The following FAM184A variants were observed in gnomAD, a reference collection of about 807,000 sequenced individuals.
FAM184A encodes the protein family with sequence similarity 184 member A.
Under a neutral mutation model 143.8 loss-of-function variants are expected in FAM184A, and 99 were observed. The ratio of observed to expected loss-of-function variants is 0.69; its 90% confidence interval spans 0.58 to 0.81. FAM184A has a LOEUF of 0.81. Among genes scored for constraint, FAM184A ranks in the 40% least tolerant of loss-of-function variants. FAM184A has a pLI of 0.00. For missense variants in FAM184A, 1,217 were observed against 1,310.5 expected (o/e 0.93, Z 1.10); for synonymous variants, 427 against 446.4 (o/e 0.96, Z 0.55).
At chr6:119,061,167 G>C (rs947098267) in intron 1 of FAM184A, among the ~76,000 whole-genome samples, 9 of 152,156 alleles carry the variant, frequency 5.9e-5, no homozygotes, top group Non-Finnish European at 4.4e-5. Context: ...GGAAGGTATA[G>C]GTAAAAGAGC....
At chr6:119,137,626 ATCT>A (rs1037230254) in intron 1 of FAM184A, among the ~76,000 whole-genome samples, 6 of 152,184 alleles carry the variant, frequency 3.9e-5, no homozygotes, top group East Asian at 1.9e-4. Flanking sequence ...ATTTTTGATA[ATCT>A]TCTCATTCTT....
intron 6 of FAM184A, among the ~76,000 whole-genome samples, chr6:119,008,614 G>A (rs1413190991): frequency 6.6e-6 from 1 of 152,078 alleles, no homozygotes; most frequent in Non-Finnish European, 1.5e-5. Context: ...GTTTGAGGTA[G>A]GATTTCTGTC....
intron 3 of FAM184A, 55 bp downstream of exon 3, chr6:119,022,890 A>C (rs915609453): frequency 4.9e-5 from 79 of 1,604,050 alleles, no homozygotes; most frequent in Middle Eastern, 1.7e-4. Flanking sequence ...AAAAATAAAT[A>C]AATAAAGTGT....
chr6:119,038,164 C>T (rs1786182476), intron 1 of FAM184A, among the ~76,000 whole-genome samples: 1 of 152,094 alleles, frequency 6.6e-6, no homozygotes, highest in Non-Finnish European at 1.5e-5. Context: ...TCACCTGAAT[C>T]AAGCAGACAG....
intron 6 of FAM184A, among the ~76,000 whole-genome samples, chr6:119,008,586 T>G (rs1269233079): frequency 6.6e-6 from 1 of 152,122 alleles, no homozygotes; most frequent in Non-Finnish European, 1.5e-5. Context: ...GTCAATAAAT[T>G]TTTTTTTCTT....
chr6:119,041,235 G>A (rs1006942260), intron 1 of FAM184A, among the ~76,000 whole-genome samples: 4 of 152,172 alleles, frequency 2.6e-5, no homozygotes, highest in Non-Finnish European at 4.4e-5. Flanking sequence ...AGAGATCCAC[G>A]GGACAGAGAT....
chr6:119,053,135 A>G (rs957056448), intron 1 of FAM184A, among the ~76,000 whole-genome samples: 2 of 152,096 alleles, frequency 1.3e-5, no homozygotes, highest in Admixed American at 1.3e-4. Flanking sequence ...CTGACTGAAG[A>G]GCTATTTGGG....
intron 5 of FAM184A, among the ~76,000 whole-genome samples, chr6:119,014,619 A>T (rs1368826551): frequency 6.6e-6 from 1 of 152,258 alleles, no homozygotes; most frequent in Non-Finnish European, 1.5e-5. Context: ...CAGCTCAAGA[A>T]CAAAAACAGT....
chr6:119,026,056 C>A (rs1785624197), intron 1 of FAM184A, among the ~76,000 whole-genome samples: 1 of 152,116 alleles, frequency 6.6e-6, no homozygotes, highest in Non-Finnish European at 1.5e-5. Flanking sequence ...AAGGCTGCCT[C>A]AACACAGGGG....
At chr6:119,107,675 G>T (rs1292614867) in intron 1 of FAM184A, among the ~76,000 whole-genome samples, 4 of 151,974 alleles carry the variant, frequency 2.6e-5, no homozygotes, top group Non-Finnish European at 4.4e-5. Flanking sequence ...CTACTCGGGA[G>T]GCTGAGGCAG....
intron 1 of FAM184A, among the ~76,000 whole-genome samples, chr6:119,113,635 AAGAG>A (rs71809162): frequency 3.3e-5 from 5 of 149,646 alleles, no homozygotes; most frequent in Non-Finnish European, 7.4e-5. Flanking sequence ...GAGAGAGAGA[AAGAG>A]AGAGAGAGAG....
intron 1 of FAM184A, among the ~76,000 whole-genome samples, chr6:119,103,928 GAAAAA>G (rs199961401): frequency 4.1e-5 from 3 of 72,950 alleles, no homozygotes; most frequent in East Asian, 5.9e-4. Flanking sequence ...TCCGTGTAGA[GAAAAA>G]AAAAAAAAAA....
chr6:119,128,316 G>T (rs1156339441), intron 1 of FAM184A, among the ~76,000 whole-genome samples: 1 of 152,110 alleles, frequency 6.6e-6, no homozygotes, highest in East Asian at 1.9e-4. Context: ...TTTATCATAG[G>T]GTTTTTAAAG....
chr6:119,067,190 C>T (rs1308724999), intron 1 of FAM184A, among the ~76,000 whole-genome samples: 2 of 152,096 alleles, frequency 1.3e-5, no homozygotes, highest in Admixed American at 6.6e-5. Context: ...TGTAGGGTGG[C>T]CTGTAGGTGA....
At chr6:119,025,824 G>GAT (rs1427541455) in intron 1 of FAM184A, among the ~76,000 whole-genome samples, 1 of 152,204 alleles carries the variant, frequency 6.6e-6, no homozygotes, top group Non-Finnish European at 1.5e-5. Flanking sequence ...ATTTTAATGT[G>GAT]ATATTACTCT....
chr6:119,049,780 G>T (rs555781449), intron 1 of FAM184A, among the ~76,000 whole-genome samples: 10 of 152,216 alleles, frequency 6.6e-5, no homozygotes, highest in African/African-American at 2.4e-4. Context: ...ATGGGCAAAG[G>T]TTCCATGACA....
chr6:119,131,661 A>T (rs966621609), intron 1 of FAM184A, among the ~76,000 whole-genome samples: 46 of 151,482 alleles, frequency 3.0e-4, no homozygotes, highest in African/African-American at 7.0e-4. Context: ...AATTTAAAAA[A>T]TTTTTTTTTT....
chr6:119,022,382 T>C (rs72953036), intron 3 of FAM184A, among the ~76,000 whole-genome samples: 4,321 of 152,206 alleles, frequency 0.028, 81 homozygotes, highest in Non-Finnish European at 0.04. Flanking sequence ...GTGACTACTT[T>C]ATTGGTATTT....
chr6:119,108,347 C>T (rs533674541), intron 1 of FAM184A, among the ~76,000 whole-genome samples: 72 of 152,208 alleles, frequency 4.7e-4, no homozygotes, highest in African/African-American at 6.7e-4. Context: ...ACCAAGAACT[C>T]GAGTCTCTTC....
Sources: gnomAD v4.1 joint callset for allele counts (sites outside exome capture counted in the v4.1 genomes callset) on GRCh38, gnomAD v4.1.1 for gene constraint, MANE v1.5 for transcripts, NCBI Gene and HGNC (gene_info 2026-07-23, HGNC 2026-07-21) for gene names.